The following SNX10 variants were observed in gnomAD, a reference collection of about 807,000 sequenced individuals.
SNX10 encodes sorting nexin-10.
In SNX10, 25 loss-of-function variants were observed where a neutral mutation model predicts 28.5. That is an observed-to-expected ratio of 0.88 (90% CI 0.64 to 1.22). SNX10 has a LOEUF of 1.22. Among genes scored for constraint, SNX10 ranks in the 50% most tolerant of loss-of-function variants. The pLI is 0.00. For synonymous variants in SNX10, 62 were observed against 81.4 expected (o/e 0.76, Z 1.28); for missense variants, 223 against 242.6 (o/e 0.92, Z 0.54).
rs765520154 is a variant in SNX10, at chr7:26,371,837, C to G, written c.328C>G (p.Leu110Val). The G allele has an allele frequency of 4.3e-6, 7 of 1,611,956 alleles. No homozygotes were observed. The highest frequency in any genetic ancestry group is 4.2e-6 in the Non-Finnish European group (5 of 1,178,406). The change falls in exon 6 of 7, where the codon CTT becomes GTT. Residue 110 changes from leucine to valine, a missense_variant. Physicochemically the swap from Leu to Val is conservative, Grantham distance 32. Transcript: ENST00000338523. ...DFLRKVLQNA[L>V]LLSDSSLHLF... ...TTAATATAGAGTCCTACAGAATGCA[C>G]TTTTGCTTTCAGATAGCAGCCTTCA... is the stretch of plus-strand genomic sequence containing the variant.
At chr7:26,332,897 A>G (rs1285230556) in intron 1 of SNX10, among the ~76,000 whole-genome samples, 4 of 152,030 alleles carry the variant, frequency 2.6e-5, no homozygotes, top group African/African-American at 9.7e-5. Flanking sequence ...AAATAAACCT[A>G]TGGGTTTATT....
intron 1 of SNX10, among the ~76,000 whole-genome samples, chr7:26,336,455 A>G (rs1335657891): frequency 6.6e-6 from 1 of 152,070 alleles, no homozygotes; most frequent in African/African-American, 2.4e-5. Context: ...TGTAATCCCT[A>G]CACTTTGAGA....
intron 1 of SNX10, among the ~76,000 whole-genome samples, chr7:26,334,487 G>A (rs564835500): frequency 7.2e-5 from 11 of 152,296 alleles, no homozygotes; most frequent in Admixed American, 2.6e-4. Flanking sequence ...TGCACATGCA[G>A]GTATGTTCTC....
chr7:26,305,177 C>A (rs1304711003), intron 1 of SNX10, among the ~76,000 whole-genome samples: 4 of 152,142 alleles, frequency 2.6e-5, no homozygotes, highest in Non-Finnish European at 4.4e-5. Flanking sequence ...CTGGGTCCCT[C>A]TTTCCTCCTC....
At chr7:26,303,581 C>T (rs1226244425) in intron 1 of SNX10, among the ~76,000 whole-genome samples, 1 of 152,194 alleles carries the variant, frequency 6.6e-6, no homozygotes, top group Non-Finnish European at 1.5e-5. Context: ...TGCTCCATTC[C>T]CTTGCTTGTT....
At chr7:26,311,768 G>A (rs544517479) in intron 1 of SNX10, among the ~76,000 whole-genome samples, 2 of 152,224 alleles carry the variant, frequency 1.3e-5, no homozygotes, top group South Asian at 2.1e-4. Context: ...TTGGATTACT[G>A]TGTGGCCCAC....
chr7:26,369,041 A>G (rs1166669889), intron 5 of SNX10, among the ~76,000 whole-genome samples: 1 of 152,200 alleles, frequency 6.6e-6, no homozygotes, highest in Admixed American at 6.5e-5. Context: ...TTTAGGGAAA[A>G]AAAACAGATT....
At chr7:26,342,877 G>C (rs999026603) in intron 1 of SNX10, among the ~76,000 whole-genome samples, 1 of 152,078 alleles carries the variant, frequency 6.6e-6, no homozygotes, top group Non-Finnish European at 1.5e-5. Context: ...CATGATCATG[G>C]CTCACCGCAG....
intron 2 of SNX10, among the ~76,000 whole-genome samples, chr7:26,359,668 AT>A (rs537061600): frequency 3.1e-3 from 461 of 146,936 alleles, no homozygotes; most frequent in Non-Finnish European, 5.1e-3. Flanking sequence ...TATTGTTTTA[AT>A]TTTTTTTTTT....
intron 1 of SNX10, among the ~76,000 whole-genome samples, chr7:26,344,036 A>G (rs1454266465): frequency 6.6e-6 from 1 of 152,072 alleles, no homozygotes; most frequent in African/African-American, 2.4e-5. Context: ...CAGTGGTGTG[A>G]AGGATGTTCA....
At chr7:26,348,541 C>G (rs1788476949) in intron 2 of SNX10, among the ~76,000 whole-genome samples, 1 of 152,252 alleles carries the variant, frequency 6.6e-6, no homozygotes, top group Admixed American at 6.5e-5. Context: ...AAGGACAGAG[C>G]TTCTGGTCGT....
At chr7:26,343,709 A>G (rs1182226960) in intron 1 of SNX10, among the ~76,000 whole-genome samples, 1 of 152,182 alleles carries the variant, frequency 6.6e-6, no homozygotes, top group African/African-American at 2.4e-5. Flanking sequence ...TGTGGGGAGC[A>G]TGGGCAGATC....
At chr7:26,320,004 C>G (rs1458893960) in intron 1 of SNX10, among the ~76,000 whole-genome samples, 2 of 151,786 alleles carry the variant, frequency 1.3e-5, no homozygotes, top group South Asian at 2.1e-4. Context: ...TATTTTGAGA[C>G]AGAGTCTCAC....
rs1789647349 is a variant in SNX10 at position 26,373,252 on chromosome 7, A to T, written c.*680A>T. On this transcript the variant is annotated 3_prime_UTR_variant, in exon 7 of 7. Transcript: ENST00000338523. This position sits in a 1 kb window ranked among gnomAD's most constrained non-coding sequence, Gnocchi z 4.2. ...ACTTATAACTGTAATATATAGATTC[A>T]GAAATACATTTTCATTATCCAAAAT... is the stretch of plus-strand genomic sequence containing the variant. 2 of 152,162 alleles carry T rather than the reference A, an allele frequency of 1.3e-5. No homozygotes were observed. The highest frequency in any genetic ancestry group is 4.1e-4 in the South Asian group (2 of 4,836). 9.4% of individuals were successfully genotyped at this position (152,162 alleles called of 1,614,324 possible). A position where few individuals can be genotyped will look rare whatever the true frequency, so the allele number is the denominator to read the frequency against.
intron 1 of SNX10, among the ~76,000 whole-genome samples, chr7:26,335,761 T>TG (rs1787906735): frequency 7.3e-6 from 1 of 137,456 alleles, no homozygotes; most frequent in Non-Finnish European, 1.5e-5. Flanking sequence ...TTTTTTTTTT[T>TG]GAGACGGAGT....
At chr7:26,369,626 G>A (rs1789425683) in intron 5 of SNX10, among the ~76,000 whole-genome samples, 1 of 152,170 alleles carries the variant, frequency 6.6e-6, no homozygotes, top group African/African-American at 2.4e-5. Context: ...GCCTGGGGGA[G>A]TGTTCAGATG....
At position 26,361,065 on chromosome 7, in the gene SNX10, A is replaced by C. The variant is rs1371746919; in HGVS notation, c.111+4A>C. The C allele has an allele frequency of 1.3e-6, 2 of 1,597,180 alleles. No homozygotes were observed. Among genetic ancestry groups the C allele is most frequent in the Middle Eastern group, 1.7e-4 (1 of 6,010 alleles). ...TGACTATGAGATATGTATTCATGTA[A>C]GTATGTAGTCAGTAGAAATAGTAAT... is the stretch of plus-strand genomic sequence containing the variant. On this transcript the variant is annotated splice_donor_region_variant and intron_variant, in intron 3 of 6. Coordinates refer to ENST00000338523, the MANE Select transcript of SNX10 (RefSeq NM_013322.3).
Position 26,360,609 on chromosome 7 carries a change from G to A in SNX10, c.25-366G>A, listed in dbSNP as rs1389450324. On this transcript the variant is annotated intron_variant, in intron 2 of 6. Coordinates refer to ENST00000338523, the MANE Select transcript of SNX10 (RefSeq NM_013322.3). The stretch of plus-strand genomic sequence containing the variant: ...AGGGCCCATTGTTTCAGTTTAGAGA[G>A]ATGAAGAAAGTAAGAAATGATCACT... 3 of 226,034 alleles carry A rather than the reference G, an allele frequency of 1.3e-5. No homozygotes were observed. In the South Asian group the frequency reaches 1.8e-4, roughly 13 times the overall value. The allele number at this position is 226,034 out of a possible 1,614,324, so 14.0% of individuals were successfully genotyped here. A position where few individuals can be genotyped will look rare whatever the true frequency, so the allele number is the denominator to read the frequency against.
intron 2 of SNX10, among the ~76,000 whole-genome samples, chr7:26,348,775 G>T (rs1037608489): frequency 6.6e-6 from 1 of 152,142 alleles, no homozygotes; most frequent in Non-Finnish European, 1.5e-5. Context: ...TGCACTTCTT[G>T]TTCCTTATTT....
Sources: gnomAD v4.1 joint callset for allele counts (sites outside exome capture counted in the v4.1 genomes callset) on GRCh38, gnomAD v4.1.1 for gene constraint, Gnocchi (gnomAD v3.1) non-coding constraint, MANE v1.5 for transcripts, NCBI Gene and HGNC (gene_info 2026-07-23, HGNC 2026-07-21) for gene names.